Variants in SCNN1B observed in about 807,000 individuals in gnomAD.
The protein encoded by SCNN1B is epithelial sodium channel subunit beta.
Under a neutral mutation model 65.3 loss-of-function variants are expected in SCNN1B, and 46 were observed. That is an observed-to-expected ratio of 0.70 (90% CI 0.56 to 0.90). SCNN1B has a LOEUF of 0.90. Among genes scored for constraint, SCNN1B ranks in the 40% least tolerant of loss-of-function variants. SCNN1B has a pLI of 0.00. For missense variants in SCNN1B, 751 were observed against 830.5 expected, an observed-to-expected ratio of 0.90 and a Z score of 1.18; for synonymous variants, 349 against 330.6, an observed-to-expected ratio of 1.06 and a Z score of -0.60.
chr16:23,284,793 G>A (rs1471202003), intron 2 of SCNN1B, among the ~76,000 whole-genome samples: 1 of 152,220 alleles, frequency 6.6e-6, no homozygotes, highest in Non-Finnish European at 1.5e-5. Context: ...AGGAATGCAA[G>A]TTCAGTGTTG....
intron 1 of SCNN1B, among the ~76,000 whole-genome samples, chr16:23,316,230 G>C (rs1344036779): frequency 3.9e-5 from 4 of 101,330 alleles, no homozygotes; most frequent in Admixed American, 9.6e-5. Flanking sequence ...ACCACCATCA[G>C]GATCACCATC....
At chr16:23,295,135 C>A (rs1490270660) in intron 2 of SCNN1B, among the ~76,000 whole-genome samples, 1 of 152,220 alleles carries the variant, frequency 6.6e-6, no homozygotes. Context: ...AATGCAAGCT[C>A]CACAAGGGTA....
intron 1 of SCNN1B, among the ~76,000 whole-genome samples, chr16:23,343,629 A>AAG (rs1962120189): frequency 2.2e-5 from 3 of 135,624 alleles, no homozygotes; most frequent in Admixed American, 7.2e-5. Flanking sequence ...GAAAGAAAGA[A>AAG]AGAAAGAAAG....
intron 3 of SCNN1B, among the ~76,000 whole-genome samples, chr16:23,353,601 A>G (rs116227966): frequency 0.025 from 3,828 of 152,292 alleles, 179 homozygotes; most frequent in African/African-American, 0.087. Context: ...AGGGGCTCTC[A>G]TGATTGGCCA....
chr16:23,378,128 C>T (rs1567319804), intron 10 of SCNN1B, among the ~76,000 whole-genome samples: 3 of 152,194 alleles, frequency 2.0e-5, no homozygotes, highest in Admixed American at 6.5e-5. Flanking sequence ...CCTGCCTCAG[C>T]TGTGATCCTC....
chr16:23,332,167 C>T (rs894010103), intron 1 of SCNN1B, among the ~76,000 whole-genome samples: 1 of 151,938 alleles, frequency 6.6e-6, no homozygotes, highest in Non-Finnish European at 1.5e-5. Context: ...CAGCTGGGAC[C>T]ACAGGCACAT....
At chr16:23,324,123 C>T (rs968502719) in intron 1 of SCNN1B, among the ~76,000 whole-genome samples, 2 of 151,864 alleles carry the variant, frequency 1.3e-5, no homozygotes, top group African/African-American at 4.8e-5. Flanking sequence ...CAAGATCACA[C>T]AGCCACCCAG....
rs1246579365 is a variant in SCNN1B, at chr16:23,375,852, T to C, written c.1267T>C (p.Trp423Arg). The C allele has an allele frequency of 1.2e-6, 2 of 1,606,216 alleles. No homozygotes were observed. Among genetic ancestry groups the C allele is most frequent in the Non-Finnish European group, 1.7e-6 (2 of 1,172,884 alleles). ...CTGCAACAACCGGGACTTCCCAGAC[T>C]GGGGTGAGCGGGGGCACGGGGGATC... is the stretch of plus-strand genomic sequence containing the variant. ...KYCNNRDFPDWAHCYSDLQMS... is the reference protein window; with the variant it reads ...KYCNNRDFPDRAHCYSDLQMS... The change falls in exon 8 of 13, where the codon TGG (tryptophan) becomes CGG (arginine). Residue 423 changes from tryptophan to arginine, a missense_variant. Trp to Arg is a moderately radical substitution (Grantham distance 101). Coordinates refer to ENST00000343070, the MANE Select transcript of SCNN1B (RefSeq NM_000336.3).
rs1244400862 is a variant in SCNN1B, at chr16:23,381,063, G to C, written c.*262G>C. The C allele has an allele frequency of 7.3e-6, 4 of 545,790 alleles. No individual in the cohort carries two copies. The highest frequency in any genetic ancestry group is 1.3e-5 in the Non-Finnish European group (4 of 302,256). The allele number at this position is 545,790 out of a possible 1,614,324, so 33.8% of individuals were successfully genotyped here. On this transcript the variant is annotated 3_prime_UTR_variant, in exon 13 of 13. Transcript: ENST00000343070. Reference sequence around the variant, plus strand: ...CCTCGTCCCTACCTGTCCTGATCCTGGTCCTGAAGACCCCTCGGAACACCC... The same window carrying C: ...CCTCGTCCCTACCTGTCCTGATCCTCGTCCTGAAGACCCCTCGGAACACCC...
intron 4 of SCNN1B, among the ~76,000 whole-genome samples, chr16:23,361,543 C>T (rs1962553665): frequency 6.6e-6 from 1 of 152,100 alleles, no homozygotes; most frequent in Non-Finnish European, 1.5e-5. Context: ...TTATTTATTC[C>T]ATCATTTATT....
At chr16:23,304,350 A>C (rs898921241) in intron 1 of SCNN1B, among the ~76,000 whole-genome samples, 4 of 152,150 alleles carry the variant, frequency 2.6e-5, no homozygotes, top group African/African-American at 9.7e-5. Context: ...GCAAGTGTAC[A>C]TGCATGCATA....
chr16:23,278,680 G>A (rs1156963118), intron 1 of SCNN1B, among the ~76,000 whole-genome samples: 2 of 150,636 alleles, frequency 1.3e-5, no homozygotes, highest in African/African-American at 4.9e-5. Flanking sequence ...AATGGTACTG[G>A]ATTGTTCACT....
At chr16:23,309,478 C>T (rs1452620824) in intron 1 of SCNN1B, among the ~76,000 whole-genome samples, 1 of 151,108 alleles carries the variant, frequency 6.6e-6, no homozygotes, top group Non-Finnish European at 1.5e-5. Flanking sequence ...TAAATATTAA[C>T]TCACATGATC....
intron 7 of SCNN1B, chr16:23,372,229 C>T (rs1333277828): frequency 2.6e-6 from 1 of 377,414 alleles, no homozygotes; most frequent in African/African-American, 2.1e-5. Flanking sequence ...GGCTGGAACA[C>T]ATTCCATCGT....
chr16:23,328,499 G>A (rs1961743313), intron 1 of SCNN1B, among the ~76,000 whole-genome samples: 1 of 152,176 alleles, frequency 6.6e-6, no homozygotes, highest in South Asian at 2.1e-4. Flanking sequence ...TAGAAAGACA[G>A]CCAGCAATCT....
intron 4 of SCNN1B, among the ~76,000 whole-genome samples, chr16:23,359,547 G>A (rs778560525): frequency 2.0e-5 from 3 of 152,152 alleles, no homozygotes; most frequent in Non-Finnish European, 4.4e-5. Context: ...CACAGCTGTG[G>A]GAATGTGCCT....
chr16:23,345,108 T>C (rs1389635896), intron 1 of SCNN1B, among the ~76,000 whole-genome samples: 1 of 152,224 alleles, frequency 6.6e-6, no homozygotes, highest in Non-Finnish European at 1.5e-5. Context: ...AATGTTACTG[T>C]GTCAGATAAT....
intron 11 of SCNN1B, among the ~76,000 whole-genome samples, chr16:23,379,615 C>T (rs1022167232): frequency 6.6e-6 from 1 of 152,176 alleles, no homozygotes; most frequent in Non-Finnish European, 1.5e-5. Context: ...CCTTCTCTGT[C>T]CCAGGTGCAG....
At chr16:23,312,175 G>T (rs1380433905) in intron 1 of SCNN1B, among the ~76,000 whole-genome samples, 4 of 152,020 alleles carry the variant, frequency 2.6e-5, no homozygotes, top group African/African-American at 7.3e-5. Flanking sequence ...TCACTATATT[G>T]CCCAGGCTGG....
Sources: allele counts gnomAD v4.1 joint callset (sites outside exome capture counted in the v4.1 genomes callset), GRCh38; gene constraint gnomAD v4.1.1; transcripts MANE v1.5; gene names NCBI Gene and HGNC (gene_info 2026-07-23, HGNC 2026-07-21).